Variants in ZNF43 observed in about 807,000 individuals in gnomAD.
ZNF43 encodes zinc finger protein 43, also known as zinc finger protein 39-like 1 (KOX 27).
In ZNF43, 44 loss-of-function variants were observed where a neutral mutation model predicts 68.4. That is an observed-to-expected ratio of 0.64 (90% CI 0.51 to 0.83). The LOEUF (loss-of-function observed/expected upper bound fraction) is 0.83. Ranked by LOEUF, ZNF43 falls within the 40% of genes least tolerant of loss-of-function variation. The pLI is 0.00. For synonymous variants in ZNF43, 308 were observed against 307.8 expected, an observed-to-expected ratio of 1.00 and a Z score of -0.01; for missense variants, 896 against 933.2, an observed-to-expected ratio of 0.96 and a Z score of 0.52.
chr19:21,808,188 T>G lies in ZNF43; in HGVS notation c.1849A>C (p.Thr617Pro), dbSNP rs2037056561. The G allele has an allele frequency of 6.2e-7, 1 of 1,613,144 alleles. No individual in the cohort carries two copies. The highest frequency in any genetic ancestry group is 8.5e-7 in the Non-Finnish European group (1 of 1,179,690). Residue 617 changes from threonine (T) to proline (P), a missense_variant, in exon 4 of 4, where the codon ACT (threonine) becomes CCT (proline). Transcript: ENST00000354959. The stretch of plus-strand genomic sequence containing the variant: ...TCACATTTGTAGGGTTTTCCTCCAG[T>G]ATGAATTTTTTTATGTGTAGTAAGG... ...SNLTTHKKIHTGGKPYKCEEC... is the reference protein window; with the variant it reads ...SNLTTHKKIHPGGKPYKCEEC...
chr19:21,843,471 T>G, intron 1 of ZNF43: 142 of 758,748 alleles, frequency 1.9e-4, no homozygotes, highest in Middle Eastern at 1.3e-3. Context: ...CCTCAATCTC[T>G]TCTGCGGACT....
At chr19:21,810,411 T>C (rs1248524601) in intron 3 of ZNF43, among the ~76,000 whole-genome samples, 2 of 152,214 alleles carry the variant, frequency 1.3e-5, no homozygotes, top group African/African-American at 4.8e-5. Context: ...ACCAAGACTA[T>C]GGTGCCAAGT....
Position 21,809,742 on chromosome 19 carries a change from CT to C in ZNF43, c.294del (p.Ala99ArgfsTer3), listed in dbSNP as rs769546824. 1.2e-6 allele frequency: 2 copies of C among 1,604,932 alleles called. No individual in the cohort carries two copies. Among genetic ancestry groups the C allele is most frequent in the Admixed American group, 3.5e-5 (2 of 57,114 alleles). On this transcript the variant is annotated frameshift_variant, in exon 4 of 4. Coordinates refer to ENST00000354959, the MANE Select transcript of ZNF43 (RefSeq NM_003423.4). LOFTEE classifies it high-confidence loss of function. ...PEQHIKDPFQ[K>X]ATLRRYKNCE... ...CAGTTTTTATATCTTCTCAGTGTCG[CT>C]TTTTGGAAAGGATCTTTTATATGCT...
Position 21,809,636 on chromosome 19 carries a change from A to T in ZNF43, c.401T>A (p.Phe134Tyr). The change falls in exon 4 of 4, where the codon TTT becomes TAT. Residue 134 changes from phenylalanine to tyrosine, a missense_variant. Phe to Tyr is a conservative substitution (Grantham distance 22). Coordinates refer to ENST00000354959, the MANE Select transcript of ZNF43 (RefSeq NM_003423.4). Reference sequence around the variant, plus strand: ...CTGGGTAGCTGGCAAACATTGGTTAAATCCATTATAACCTCCTCTGTGCAC... The same window carrying T: ...CTGGGTAGCTGGCAAACATTGGTTATATCCATTATAACCTCCTCTGTGCAC... ...CKVHRGGYNG[F>Y]NQCLPATQSK... The T allele has an allele frequency of 2.5e-6, 4 of 1,612,322 alleles. No homozygotes were observed. The highest frequency in any genetic ancestry group is 3.4e-6 in the Non-Finnish European group (4 of 1,179,328).
At chr19:21,823,155 T>A (rs2037937288) in intron 1 of ZNF43, among the ~76,000 whole-genome samples, 1 of 152,198 alleles carries the variant, frequency 6.6e-6, no homozygotes, top group Admixed American at 6.5e-5. Context: ...TTTGCACACA[T>A]CTACTCATTG....
rs1248384631 is a variant in ZNF43, at chr19:21,843,312, G to A, written c.30+8593C>T. 3.2e-6 allele frequency: 3 copies of A among 947,194 alleles called. No homozygotes were observed. The African/African-American group carries it at 5.3e-5, about 17-fold the overall frequency. 58.7% of individuals were successfully genotyped at this position (947,194 alleles called of 1,614,324 possible). ...TCGCTCACATTCTGAGCAGAGGTATGTGTCACAATCACACCTGCAGAAAGA... is the reference window on the plus strand; with the variant it reads ...TCGCTCACATTCTGAGCAGAGGTATATGTCACAATCACACCTGCAGAAAGA... On this transcript the variant is annotated intron_variant, in intron 1 of 3. Coordinates refer to the ZNF43 transcript ENST00000357491.
At chr19:21,851,777 G>A (rs1968388128) in intron 1 of ZNF43, 1 of 1,010,322 alleles carries the variant, frequency 9.9e-7, no homozygotes, top group Non-Finnish European at 1.4e-6. Context: ...CCGCCATCTT[G>A]CGGCCAGAGG....
chr19:21,810,667 A>G (rs2037230002), intron 3 of ZNF43, among the ~76,000 whole-genome samples: 1 of 152,246 alleles, frequency 6.6e-6, no homozygotes, highest in Non-Finnish European at 1.5e-5. Context: ...TAAGAATACC[A>G]GCTGGGTGCA....
In ZNF43 at chr19:21,808,901, A is replaced by G. The variant is rs2037121982; in HGVS notation, c.1136T>C (p.Phe379Ser). ...FYKCTECGEA[F>S]SRSSNLTKHK... ...TTTAGTAAGGTTTGAGGACCGGCTA[A>G]AAGCTTCACCACATTCTGTACATTT... Residue 379 changes from phenylalanine to serine, a missense_variant, in exon 4 of 4, where the codon TTT becomes TCT. Coordinates refer to ENST00000354959, the MANE Select transcript of ZNF43 (RefSeq NM_003423.4). 2 of 1,613,582 alleles carry G rather than the reference A, an allele frequency of 1.2e-6. No individual in the cohort carries two copies. Among genetic ancestry groups the G allele is most frequent in the Non-Finnish European group, 1.7e-6 (2 of 1,179,844 alleles).
At position 21,809,638 on chromosome 19, in the gene ZNF43, T is replaced by C; in HGVS notation, c.399A>G (p.Gly133=). The C allele has an allele frequency of 6.2e-7, 1 of 1,612,460 alleles. No homozygotes were observed. The highest frequency in any genetic ancestry group is 8.5e-7 in the Non-Finnish European group (1 of 1,179,366). The change falls in exon 4 of 4, where the codon GGA becomes GGG. Residue 133 remains glycine, a synonymous_variant. Transcript: ENST00000354959. ...GGGTAGCTGGCAAACATTGGTTAAA[T>C]CCATTATAACCTCCTCTGTGCACCT... The part of the protein sequence containing the change: ...ECKVHRGGYN[G]FNQCLPATQS...
In ZNF43 at chr19:21,808,916, T is replaced by C; in HGVS notation, c.1121A>G (p.Glu374Gly). The change falls in exon 4 of 4, where the codon GAA becomes GGA. Residue 374 changes from glutamate to glycine, a missense_variant. Transcript: ENST00000354959. ...GGACCGGCTAAAAGCTTCACCACAT[T>C]CTGTACATTTATAGAATTTCTCTGC... Reference protein sequence around the residue: ...HTAEKFYKCTECGEAFSRSSN... With the variant: ...HTAEKFYKCTGCGEAFSRSSN... 6 of 1,613,556 alleles carry C rather than the reference T, an allele frequency of 3.7e-6. No homozygotes were observed. Among genetic ancestry groups the C allele is most frequent in the Non-Finnish European group, 5.1e-6 (6 of 1,179,852 alleles).
At position 21,808,955 on chromosome 19, in the gene ZNF43, T is replaced by G. The variant is rs547840558; in HGVS notation, c.1082A>C (p.Lys361Thr). ...FNQFSNLTTHKRIHTAEKFYK... is the reference protein window; with the variant it reads ...FNQFSNLTTHTRIHTAEKFYK... ...GAATTTCTCTGCAGTATGGATTCTC[T>G]TATGTGTAGTAAGGTTTGAGAACTG... The change falls in exon 4 of 4, where the codon AAG becomes ACG. Residue 361 changes from lysine to threonine, a missense_variant. Coordinates refer to ENST00000354959, the MANE Select transcript of ZNF43 (RefSeq NM_003423.4). 1 of 1,613,804 alleles carries G rather than the reference T, an allele frequency of 6.2e-7. No homozygotes were observed. The highest frequency in any genetic ancestry group is 1.1e-5 in the South Asian group (1 of 91,068).
Position 21,809,026 on chromosome 19 carries a change from A to G in ZNF43, c.1011T>C (p.Thr337=). The change falls in exon 4 of 4, where the codon ACT becomes ACC. Residue 337 remains threonine, a synonymous_variant. Coordinates refer to ENST00000354959, the MANE Select transcript of ZNF43 (RefSeq NM_003423.4). ...STLTKHKRIH[T]GEKPYTCEEC... Reference sequence around the variant, plus strand: ...CTTCACATGTGTAGGGTTTCTCTCCAGTATGAATTCTCTTATGTTTAGTAA... The same window carrying G: ...CTTCACATGTGTAGGGTTTCTCTCCGGTATGAATTCTCTTATGTTTAGTAA... 1 of 1,613,434 alleles carries G rather than the reference A, an allele frequency of 6.2e-7. No homozygotes were observed.
At chr19:21,841,442 T>C (rs780268347) in intron 1 of ZNF43, 1 of 152,216 alleles carries the variant, frequency 6.6e-6, no homozygotes, top group Non-Finnish European at 1.5e-5. Context: ...TCACGTTACT[T>C]GGTACTGGAC....
At chr19:21,828,904 G>A (rs1290950101) in intron 1 of ZNF43, among the ~76,000 whole-genome samples, 1 of 150,856 alleles carries the variant, frequency 6.6e-6, no homozygotes, top group East Asian at 2.0e-4. Context: ...GCCCTGGCGG[G>A]CGCCTATACT....
At chr19:21,835,281 A>C (rs1350548085) in intron 1 of ZNF43, among the ~76,000 whole-genome samples, 1 of 150,910 alleles carries the variant, frequency 6.6e-6, no homozygotes. Context: ...AAAAAGAAAA[A>C]ATAGTTGATA....
chr19:21,825,745 A>G (rs1167191695), intron 1 of ZNF43, among the ~76,000 whole-genome samples: 1 of 152,192 alleles, frequency 6.6e-6, no homozygotes, highest in Non-Finnish European at 1.5e-5. Context: ...GTCTGAGGAT[A>G]CAAGAGTCAT....
In ZNF43 at chr19:21,806,234, T is replaced by C. The variant is rs1599434085; in HGVS notation, c.*1373A>G. ...TTTTGTTGCCCAGGTTGGAGTGCAA[T>C]GGTATGATTTCGGCTCACTGAGACC... On this transcript the variant is annotated 3_prime_UTR_variant, in exon 4 of 4. Transcript: ENST00000354959. 2 of 150,766 alleles carry C rather than the reference T, an allele frequency of 1.3e-5. No individual in the cohort carries two copies. Among genetic ancestry groups the C allele is most frequent in the Non-Finnish European group, 2.9e-5 (2 of 67,814 alleles). 9.3% of individuals were successfully genotyped at this position (150,766 alleles called of 1,614,324 possible).
In ZNF43 at chr19:21,836,149, G is replaced by A. The variant is rs542245829; in HGVS notation, c.-111C>T. 1.8e-5 allele frequency: 29 copies of A among 1,581,334 alleles called. No homozygotes were observed. The highest frequency in any genetic ancestry group is 5.4e-5 in the African/African-American group (4 of 74,104). On this transcript the variant is annotated 5_prime_UTR_variant, in exon 1 of 4. Transcript: ENST00000354959. The stretch of plus-strand genomic sequence containing the variant: ...GCAGCAGAGGACACAGAAGAACGAA[G>A]ACGAGACGCAGAGCTCCAACTGCAG...
Sources: allele counts gnomAD v4.1 joint callset (sites outside exome capture counted in the v4.1 genomes callset), GRCh38; gene constraint gnomAD v4.1.1; transcripts MANE v1.5; gene names NCBI Gene and HGNC (gene_info 2026-07-23, HGNC 2026-07-21).